The following TTC7B variants were observed in gnomAD, a reference collection of about 807,000 sequenced individuals.
The protein encoded by TTC7B is tetratricopeptide repeat protein 7B.
A neutral mutation model predicts 106.8 loss-of-function variants in TTC7B; 28 were observed. That is an observed-to-expected ratio of 0.26 (90% confidence interval 0.19 to 0.36). TTC7B has a LOEUF of 0.36. Ranked by LOEUF, TTC7B falls within the 10% of genes least tolerant of loss-of-function variation. The pLI, the probability that TTC7B is intolerant of heterozygous loss-of-function variation, is 1.00. For missense variants in TTC7B, 862 were observed against 1,076.4 expected (o/e 0.80, Z 2.79); for synonymous variants, 405 against 430.6 (o/e 0.94, Z 0.74).
chr14:90,643,389 C>T (rs530560477), intron 15 of TTC7B, among the ~76,000 whole-genome samples: 10 of 151,248 alleles, frequency 6.6e-5, no homozygotes, highest in African/African-American at 2.2e-4. Flanking sequence ...GACTGGGCAA[C>T]AGAGTGATAT....
chr14:90,677,756 C>A (rs575182231), intron 8 of TTC7B: 1 of 447,422 alleles, frequency 2.2e-6, no homozygotes, highest in African/African-American at 2.0e-5. Flanking sequence ...ACTAATGAGA[C>A]AAAATGCATT....
rs1891126690 is a variant in TTC7B at position 90,779,109 on chromosome 14, C to G, written c.445+1629G>C. Among the ~76,000 whole-genome samples the G allele has an allele frequency of 1.3e-5, 2 of 152,198 alleles. 1 individual carries two copies. The highest frequency in any genetic ancestry group is 4.1e-4 in the South Asian group (2 of 4,832). ...AGTCAGTCACGGAACGTGGTTTGAA[C>G]AGCAGATGGCCAGAAGGACAGGAGC... On this transcript the variant is annotated intron_variant, in intron 3 of 19. Coordinates refer to ENST00000328459, the MANE Select transcript of TTC7B (RefSeq NM_001010854.2).
intron 16 of TTC7B, 106 bp from the exon 17 acceptor site, chr14:90,610,945 A>AT: frequency 1.3e-6 from 1 of 799,784 alleles, no homozygotes; most frequent in Non-Finnish European, 2.2e-6. Context: ...CTTTCTGTGC[A>AT]TTTTTTACGT....
chr14:90,582,524 T>C (rs1443412758), intron 18 of TTC7B, among the ~76,000 whole-genome samples: 3 of 152,216 alleles, frequency 2.0e-5, no homozygotes, highest in African/African-American at 4.8e-5. Flanking sequence ...ACAGGCCTTA[T>C]ACCAGTGCCA....
chr14:90,813,436 A>C (rs2140067962), intron 1 of TTC7B, among the ~76,000 whole-genome samples: 1 of 152,318 alleles, frequency 6.6e-6, no homozygotes, highest in African/African-American at 2.4e-5. Context: ...TGGCTAGCAC[A>C]GAGCAGGTAC....
chr14:90,597,571 C>T (rs1892256074), intron 17 of TTC7B, among the ~76,000 whole-genome samples: 1 of 151,962 alleles, frequency 6.6e-6, no homozygotes, highest in Non-Finnish European at 1.5e-5. Context: ...GGCAGGAGAA[C>T]TGCTTGAACC....
intron 4 of TTC7B, among the ~76,000 whole-genome samples, chr14:90,737,140 A>G (rs1318378196): frequency 6.6e-6 from 1 of 152,224 alleles, no homozygotes; most frequent in African/African-American, 2.4e-5. Flanking sequence ...TAAAGAGTTA[A>G]CATACTTATG....
At chr14:90,685,292 A>G (rs1459717693) in intron 7 of TTC7B, among the ~76,000 whole-genome samples, 2 of 152,086 alleles carry the variant, frequency 1.3e-5, no homozygotes, top group Non-Finnish European at 2.9e-5. Flanking sequence ...TCCCTTTCCC[A>G]CCTCCAAACC....
intron 5 of TTC7B, among the ~76,000 whole-genome samples, chr14:90,701,906 G>T (rs752901785): frequency 6.6e-6 from 1 of 151,748 alleles, no homozygotes; most frequent in South Asian, 2.1e-4. Flanking sequence ...GTCAGCAGAC[G>T]TGAGTCCTCA....
intron 5 of TTC7B, among the ~76,000 whole-genome samples, chr14:90,723,637 G>C (rs1471566672): frequency 6.6e-6 from 1 of 152,164 alleles, no homozygotes; most frequent in Non-Finnish European, 1.5e-5. Context: ...CACCCTGCAA[G>C]TCTTGGTCTC....
intron 14 of TTC7B, among the ~76,000 whole-genome samples, chr14:90,645,904 T>C (rs1885424921): frequency 2.6e-5 from 4 of 152,050 alleles, no homozygotes; most frequent in Admixed American, 6.6e-5. Flanking sequence ...GAAAGACAGA[T>C]ACTGAACAAG....
In TTC7B at chr14:90,807,339, C is replaced by T. The variant is rs1460674843; in HGVS notation, c.121+8836G>A. ...TTGCTGTCCTCAGGCTACAGGGTCA[C>T]ATTCTGTCTCCCACTCGGACAACCA... On this transcript the variant is annotated intron_variant, in intron 1 of 19. Transcript: ENST00000328459. The surrounding 1 kb of genome is among the most constrained non-coding windows in gnomAD (Gnocchi z 4.1). Among the ~76,000 whole-genome samples, 2 of 152,188 alleles carry T rather than the reference C, an allele frequency of 1.3e-5. No individual in the cohort carries two copies. Among genetic ancestry groups the T allele is most frequent in the African/African-American group, 2.4e-5 (1 of 41,438 alleles).
intron 1 of TTC7B, among the ~76,000 whole-genome samples, chr14:90,806,717 G>A (rs146561299): frequency 9.1e-4 from 139 of 152,190 alleles, no homozygotes; most frequent in African/African-American, 3.2e-3. Flanking sequence ...GACCAGCCTG[G>A]GTAACATGGT....
chr14:90,557,834 G>A (rs542773669), intron 19 of TTC7B, among the ~76,000 whole-genome samples: 2 of 152,368 alleles, frequency 1.3e-5, no homozygotes, highest in Admixed American at 6.5e-5. Flanking sequence ...GGTGACAGAC[G>A]ATGGGCTAGT....
chr14:90,592,160 A>G (rs769645558), intron 18 of TTC7B, among the ~76,000 whole-genome samples: 12 of 152,188 alleles, frequency 7.9e-5, no homozygotes, highest in Non-Finnish European at 1.8e-4. Context: ...AGGGTGGAAT[A>G]TCATACGATT....
intron 3 of TTC7B, among the ~76,000 whole-genome samples, chr14:90,754,511 G>T (rs1046848530): frequency 6.6e-6 from 1 of 152,090 alleles, no homozygotes; most frequent in African/African-American, 2.4e-5. Context: ...GCAACAGTAG[G>T]CTGGAAAGTC....
chr14:90,768,946 T>C (rs187070907), intron 3 of TTC7B, among the ~76,000 whole-genome samples: 11 of 152,364 alleles, frequency 7.2e-5, no homozygotes, highest in African/African-American at 2.6e-4. Context: ...TTGTTTCCTA[T>C]ATAATTTAAG....
intron 18 of TTC7B, among the ~76,000 whole-genome samples, chr14:90,586,738 G>A (rs1029740221): frequency 5.3e-5 from 8 of 152,100 alleles, no homozygotes; most frequent in South Asian, 2.1e-4. Flanking sequence ...AATGTAGACC[G>A]GAACATCCAG....
Position 90,701,782 on chromosome 14 carries a change from ATG to A in TTC7B, c.699-6206_699-6205del, listed in dbSNP as rs34677795. ...TGTGTATATATGTGTATATATGTAT[ATG>A]TGTGTGTGTGTGTATATATATATAT... On this transcript the variant is annotated intron_variant, in intron 5 of 19. Coordinates refer to ENST00000328459, the MANE Select transcript of TTC7B (RefSeq NM_001010854.2). 9.3e-3 allele frequency among the ~76,000 whole-genome samples: 1,227 copies of A among 132,506 alleles called. 24 individuals are homozygous for A. Among genetic ancestry groups the A allele is most frequent in the African/African-American group, 0.025 (810 of 32,834 alleles). 86.9% of individuals were successfully genotyped at this position (132,506 alleles called of 152,430 possible). A position where few individuals can be genotyped will look rare whatever the true frequency, so the allele number is the denominator to read the frequency against.
Sources: gnomAD v4.1 joint callset for allele counts (sites outside exome capture counted in the v4.1 genomes callset) on GRCh38, gnomAD v4.1.1 for gene constraint, Gnocchi (gnomAD v3.1) non-coding constraint, MANE v1.5 for transcripts, NCBI Gene and HGNC (gene_info 2026-07-23, HGNC 2026-07-21) for gene names.